The following TNS1 variants were observed in gnomAD, a reference collection of about 807,000 sequenced individuals.
TNS1 encodes the protein tensin-1.
In TNS1, 62 loss-of-function variants were observed where a neutral mutation model predicts 168.6. That is an observed-to-expected ratio of 0.37 (90% CI 0.30 to 0.45). The LOEUF (loss-of-function observed/expected upper bound fraction) is 0.45. Ranked by LOEUF, TNS1 falls within the 20% of genes least tolerant of loss-of-function variation. TNS1 has a pLI of 1.00. For missense variants in TNS1, 2,240 were observed against 2,339.4 expected, an observed-to-expected ratio of 0.96 and a Z score of 0.88; for synonymous variants, 934 against 933.2, an observed-to-expected ratio of 1.00 and a Z score of -0.02.
intron 1 of TNS1, among the ~76,000 whole-genome samples, chr2:217,993,087 C>T (rs367870093): frequency 6.6e-6 from 1 of 152,128 alleles, no homozygotes; most frequent in South Asian, 2.1e-4. Flanking sequence ...ACATGCTGTG[C>T]GGGATTTTAG....
intron 30 of TNS1, among the ~76,000 whole-genome samples, chr2:217,809,380 G>C (rs1574551189): frequency 6.7e-4 from 60 of 89,660 alleles, no homozygotes; most frequent in Admixed American, 1.1e-3. Flanking sequence ...TGGATGCATG[G>C]ATGGATGGAT....
intron 3 of TNS1, among the ~76,000 whole-genome samples, chr2:217,968,122 C>T (rs1957691543): frequency 6.6e-6 from 1 of 152,144 alleles, no homozygotes; most frequent in African/African-American, 2.4e-5. Flanking sequence ...ATTCAACAAA[C>T]TAGGAATAGA....
rs372865429 is a variant in TNS1 at position 217,960,297 on chromosome 2, G to A, written c.186+18468C>T. Among the ~76,000 whole-genome samples the A allele has an allele frequency of 2.2e-4, 34 of 152,248 alleles. No homozygotes were observed. In the East Asian group the frequency reaches 3.9e-3, roughly 17 times the overall value. Reference sequence around the variant, plus strand: ...TTACATTTGAGGAAATTGAGGCTGGGGGTGGTCAAGTGTGCTGCCAAGAAT... The same window carrying A: ...TTACATTTGAGGAAATTGAGGCTGGAGGTGGTCAAGTGTGCTGCCAAGAAT... On this transcript the variant is annotated intron_variant, in intron 3 of 32. Coordinates refer to ENST00000682258, the MANE Select transcript of TNS1 (RefSeq NM_001387777.1).
intron 18 of TNS1, among the ~76,000 whole-genome samples, chr2:217,857,352 G>A (rs577374637): frequency 3.9e-5 from 6 of 152,186 alleles, no homozygotes; most frequent in South Asian, 2.1e-4. Flanking sequence ...AAGGTCACCC[G>A]GCAAGGAAGT....
chr2:218,015,382 T>C (rs1958748432), upstream of TNS1, among the ~76,000 whole-genome samples: 1 of 151,366 alleles, frequency 6.6e-6, no homozygotes, highest in African/African-American at 2.4e-5. Flanking sequence ...GGGGAAGAAA[T>C]GTTTCTCCTT....
chr2:218,020,531 G>A (rs761447447), intron 1 of TNS1, among the ~76,000 whole-genome samples: 8 of 151,948 alleles, frequency 5.3e-5, no homozygotes, highest in South Asian at 2.1e-4. Flanking sequence ...AGCCAGGTTC[G>A]CTGACAGCAG....
intron 3 of TNS1, among the ~76,000 whole-genome samples, chr2:217,974,457 C>T (rs528143512): frequency 6.6e-6 from 1 of 152,244 alleles, no homozygotes; most frequent in African/African-American, 2.4e-5. Context: ...ATCCTTTTAT[C>T]CCTTTATAGG....
In TNS1 at chr2:217,897,986, C is replaced by G; in HGVS notation, c.372-17G>C. 1.9e-6 allele frequency: 3 copies of G among 1,592,310 alleles called. No homozygotes were observed. Among genetic ancestry groups the G allele is most frequent in the Non-Finnish European group, 2.6e-6 (3 of 1,168,792 alleles). On this transcript the variant is annotated splice_polypyrimidine_tract_variant and intron_variant, in intron 7 of 32. Coordinates refer to ENST00000682258, the MANE Select transcript of TNS1 (RefSeq NM_001387777.1). ...CTCATGTTTCTAGGGAGACAGCAGGCAGCGGAGGGTCCATATCAGAATCCA... is the reference window on the plus strand; with the variant it reads ...CTCATGTTTCTAGGGAGACAGCAGGGAGCGGAGGGTCCATATCAGAATCCA...
At chr2:217,808,237 C>G (rs1235508703) in intron 31 of TNS1, 130 bp from the exon 32 acceptor site, 12 of 1,065,712 alleles carry the variant, frequency 1.1e-5, no homozygotes, top group African/African-American at 9.4e-5. Context: ...CTCATTCCCC[C>G]ATTCCCCCAT....
intron 4 of TNS1, among the ~76,000 whole-genome samples, chr2:217,911,690 GTGACTCACCCAAGGT>G (rs1954429310): frequency 6.6e-6 from 1 of 152,174 alleles, no homozygotes; most frequent in Non-Finnish European, 1.5e-5. Context: ...GGGAGATGTA[GTGACTCACCCAAGGT>G]TCCACAGCCA....
At chr2:217,975,100 A>T (rs1239035657) in intron 3 of TNS1, among the ~76,000 whole-genome samples, 1 of 152,148 alleles carries the variant, frequency 6.6e-6, no homozygotes, top group East Asian at 1.9e-4. Context: ...TTGTAAGGAC[A>T]CTCAAGCAGC....
At chr2:217,852,847 C>T (rs1356924954) in intron 18 of TNS1, among the ~76,000 whole-genome samples, 1 of 152,212 alleles carries the variant, frequency 6.6e-6, no homozygotes, top group African/African-American at 2.4e-5. Flanking sequence ...TCGCTAACTA[C>T]AAATGGAAAT....
At chr2:217,829,897 G>A in intron 22 of TNS1, 1 of 1,613,922 alleles carries the variant, frequency 6.2e-7, no homozygotes, top group East Asian at 2.2e-5. Flanking sequence ...GGGAAGACGA[G>A]AAGAGAGGTG....
At chr2:217,907,088 A>G in intron 5 of TNS1, 122 bp downstream of exon 5, 2 of 646,356 alleles carry the variant, frequency 3.1e-6, no homozygotes, top group East Asian at 5.5e-5. Context: ...CCCCAAATCT[A>G]CTCCGGAAGC....
intron 3 of TNS1, among the ~76,000 whole-genome samples, chr2:217,940,018 T>C (rs962500397): frequency 6.6e-6 from 1 of 152,240 alleles, no homozygotes; most frequent in Non-Finnish European, 1.5e-5. Context: ...TGACCTTGCA[T>C]AATGGAAGTG....
intron 18 of TNS1, among the ~76,000 whole-genome samples, chr2:217,864,145 T>G (rs1949045088): frequency 6.6e-6 from 1 of 152,300 alleles, no homozygotes; most frequent in African/African-American, 2.4e-5. Flanking sequence ...CCCAGGCAGA[T>G]GTTTGTGTTG....
chr2:217,917,508 G>A (rs1955160206), intron 4 of TNS1, among the ~76,000 whole-genome samples: 1 of 152,156 alleles, frequency 6.6e-6, no homozygotes, highest in Non-Finnish European at 1.5e-5. Flanking sequence ...GGGTGCTGGG[G>A]AAAGGGAAAT....
chr2:217,828,996 C>T, intron 22 of TNS1, among the ~76,000 whole-genome samples: 1 of 152,170 alleles, frequency 6.6e-6, no homozygotes, highest in East Asian at 1.9e-4. Flanking sequence ...ATTGTCATGA[C>T]TGAGTGAGAG....
At chr2:217,833,898 T>C (rs2571443) in intron 21 of TNS1, among the ~76,000 whole-genome samples, 21,524 of 152,300 alleles carry the variant, frequency 0.14, 1,842 homozygotes, top group East Asian at 0.38. Flanking sequence ...CACCAGTTTC[T>C]TCTTAAATTT....
Sources: allele counts gnomAD v4.1 joint callset (sites outside exome capture counted in the v4.1 genomes callset), GRCh38; gene constraint gnomAD v4.1.1; transcripts MANE v1.5; gene names NCBI Gene and HGNC (gene_info 2026-07-23, HGNC 2026-07-21).